The following FLT3 variants were observed in gnomAD, a reference collection of about 807,000 sequenced individuals.
FLT3 encodes fms related receptor tyrosine kinase 3.
Under a neutral mutation model 126.6 loss-of-function variants are expected in FLT3, and 46 were observed. The observed-to-expected ratio is 0.36, with a 90% CI of 0.29 to 0.46. The LOEUF is 0.46. Among genes scored for constraint, FLT3 ranks in the 20% least tolerant of loss-of-function variants. The pLI is 1.00. For synonymous variants in FLT3, 404 were observed against 434.4 expected (o/e 0.93, Z 0.87); for missense variants, 1,069 against 1,190.3 (o/e 0.90, Z 1.50).
intron 23 of FLT3, among the ~76,000 whole-genome samples, chr13:28,014,120 A>C (rs1871621878): frequency 6.6e-6 from 1 of 152,008 alleles, no homozygotes; most frequent in Non-Finnish European, 1.5e-5. Flanking sequence ...AAAAATAAAA[A>C]ACTTAGCCTG....
intron 1 of FLT3, among the ~76,000 whole-genome samples, chr13:28,077,717 C>T (rs1224788804): frequency 6.6e-6 from 1 of 152,150 alleles, no homozygotes; most frequent in Non-Finnish European, 1.5e-5. Context: ...TCATTTCAGC[C>T]TTAACCCAAA....
At chr13:28,063,888 A>G (rs1156754623) in intron 2 of FLT3, among the ~76,000 whole-genome samples, 1 of 152,242 alleles carries the variant, frequency 6.6e-6, no homozygotes. Flanking sequence ...CAAAGGAGGG[A>G]GAAGAGATTT....
chr13:28,014,781 T>A (rs1464410068), intron 22 of FLT3, among the ~76,000 whole-genome samples: 1 of 152,180 alleles, frequency 6.6e-6, no homozygotes, highest in African/African-American at 2.4e-5. Flanking sequence ...TAGAATCGAA[T>A]GACCTTCATG....
chr13:28,059,778 G>A (rs549756722), intron 3 of FLT3, among the ~76,000 whole-genome samples: 1 of 151,600 alleles, frequency 6.6e-6, no homozygotes, highest in South Asian at 2.1e-4. Flanking sequence ...TGTCCAACAT[G>A]GTGAAACCCC....
chr13:28,060,514 A>G (rs1303641755), intron 3 of FLT3, among the ~76,000 whole-genome samples: 1 of 150,328 alleles, frequency 6.7e-6, no homozygotes, highest in Non-Finnish European at 1.5e-5. Context: ...TATTCTTTTC[A>G]CTATTTGTTT....
Position 28,024,935 on chromosome 13 carries a change from C to A in FLT3, c.2216G>T (p.Gly739Val). Residue 739 changes from glycine to valine, a missense_variant, in exon 18 of 24, where the codon GGT becomes GTT. Coordinates refer to ENST00000241453, the MANE Select transcript of FLT3 (RefSeq NM_004119.3). ...CGGGTGTATCTGAACTTCTCTTGAACCAGGCATGCTATTAAAAAATTTTGT... is the reference window on the plus strand; with the variant it reads ...CGGGTGTATCTGAACTTCTCTTGAAACAGGCATGCTATTAAAAAATTTTGT... ...FQSHPNSSMP[G>V]SREVQIHPDS... 2.5e-6 allele frequency: 4 copies of A among 1,607,364 alleles called. No homozygotes were observed. The highest frequency in any genetic ancestry group is 3.4e-6 in the Non-Finnish European group (4 of 1,176,504).
chr13:28,085,226 T>C (rs1167011467), intron 1 of FLT3, among the ~76,000 whole-genome samples: 7 of 138,574 alleles, frequency 5.1e-5, no homozygotes, highest in South Asian at 2.3e-4. Context: ...CGCCTATAGT[T>C]CCAGCTACTC....
intron 9 of FLT3, among the ~76,000 whole-genome samples, chr13:28,040,725 A>G (rs1169648554): frequency 2.6e-5 from 4 of 152,252 alleles, no homozygotes; most frequent in African/African-American, 7.2e-5. Context: ...GGGTGCGTGC[A>G]GGGGTTCACA....
At chr13:28,095,801 A>T (rs913474908) in intron 1 of FLT3, among the ~76,000 whole-genome samples, 1 of 152,136 alleles carries the variant, frequency 6.6e-6, no homozygotes, top group Non-Finnish European at 1.5e-5. Context: ...TCATGCAAGG[A>T]TGAGATGAGA....
At chr13:28,037,127 C>T (rs765635930) in intron 10 of FLT3, 58 bp downstream of exon 10, 12 of 1,018,848 alleles carry the variant, frequency 1.2e-5, no homozygotes, top group Non-Finnish European at 1.7e-5. Flanking sequence ...CTAGTTAAGA[C>T]TAATAAAAAA....
At chr13:28,075,280 C>T (rs1432695963) in intron 1 of FLT3, among the ~76,000 whole-genome samples, 1 of 152,028 alleles carries the variant, frequency 6.6e-6, no homozygotes, top group Non-Finnish European at 1.5e-5. Context: ...ATTTCTTGGA[C>T]TTGAAATGTT....
chr13:28,072,865 C>A (rs1322730057), intron 1 of FLT3, among the ~76,000 whole-genome samples: 1 of 151,850 alleles, frequency 6.6e-6, no homozygotes. Flanking sequence ...ATTAGCCGGG[C>A]GTGGTGGCAG....
At chr13:28,051,782 G>A (rs922392690) in intron 5 of FLT3, among the ~76,000 whole-genome samples, 5 of 151,398 alleles carry the variant, frequency 3.3e-5, no homozygotes, top group African/African-American at 4.9e-5. Flanking sequence ...TCCTGACCTC[G>A]TGATCCGCCG....
At chr13:28,048,841 T>C (rs1415215689) in intron 8 of FLT3, among the ~76,000 whole-genome samples, 1 of 152,196 alleles carries the variant, frequency 6.6e-6, no homozygotes, top group Non-Finnish European at 1.5e-5. Flanking sequence ...CTTATTAATC[T>C]GCTAAGAGCA....
At chr13:28,096,092 CAT>C (rs1223983622) in intron 1 of FLT3, among the ~76,000 whole-genome samples, 1 of 152,110 alleles carries the variant, frequency 6.6e-6, no homozygotes, top group Non-Finnish European at 1.5e-5. Flanking sequence ...CACTGGCTCA[CAT>C]GTGTAATCCC....
chr13:28,044,164 A>C (rs1566078777), intron 9 of FLT3, among the ~76,000 whole-genome samples: 1 of 149,110 alleles, frequency 6.7e-6, no homozygotes, highest in Non-Finnish European at 1.5e-5. Flanking sequence ...AAGCAAAAAG[A>C]AGGGCCAGGC....
chr13:28,098,996 C>T (rs1397173599), intron 1 of FLT3, among the ~76,000 whole-genome samples: 1 of 152,122 alleles, frequency 6.6e-6, no homozygotes, highest in East Asian at 1.9e-4. Flanking sequence ...TGCTCTATAT[C>T]TCAGTCTGAT....
chr13:28,080,230 G>A (rs939693824), intron 1 of FLT3, among the ~76,000 whole-genome samples: 4 of 152,174 alleles, frequency 2.6e-5, no homozygotes, highest in Admixed American at 1.3e-4. Flanking sequence ...ACAAAAATTA[G>A]CTGGGCGCCA....
At position 28,100,370 on chromosome 13, in the gene FLT3, G is replaced by T. The variant is rs916471264; in HGVS notation, c.43+98C>A. The T allele has an allele frequency of 1.2e-4, 101 of 843,232 alleles. No homozygotes were observed. Among genetic ancestry groups the T allele is most frequent in the Non-Finnish European group, 1.5e-4 (95 of 638,994 alleles). 52.2% of individuals were successfully genotyped at this position (843,232 alleles called of 1,614,324 possible). A position where few individuals can be genotyped will look rare whatever the true frequency, so the allele number is the denominator to read the frequency against. ...GGAAGGAGCGAGCGCGGGGAGGAGC[G>T]AGGCGGCTGGGCCGGAGGAGGCGCG... On this transcript the variant is annotated intron_variant, in intron 1 of 23. Coordinates refer to ENST00000241453, the MANE Select transcript of FLT3 (RefSeq NM_004119.3). The surrounding 1 kb of genome is among the most constrained non-coding windows in gnomAD (Gnocchi z 4.8).
Sources: gnomAD v4.1 joint callset for allele counts (sites outside exome capture counted in the v4.1 genomes callset) on GRCh38, gnomAD v4.1.1 for gene constraint, Gnocchi (gnomAD v3.1) non-coding constraint, MANE v1.5 for transcripts, NCBI Gene and HGNC (gene_info 2026-07-23, HGNC 2026-07-21) for gene names.